Variants in CAPN15 observed in about 807,000 individuals in gnomAD.
CAPN15 encodes the protein calpain 15, also known as calpain-15.
Under a neutral mutation model 97.9 loss-of-function variants are expected in CAPN15, and 53 were observed. The ratio of observed to expected loss-of-function variants is 0.54; its 90% CI spans 0.43 to 0.68. The LOEUF is 0.68. CAPN15 is among the 30% of genes least tolerant of loss of function. The probability of loss-of-function intolerance (pLI) is 0.00; values close to 1 mark genes in which losing one functional copy is unlikely to be tolerated. For missense variants in CAPN15, 1,592 were observed against 1,589.8 expected (o/e 1.00, Z -0.02); for synonymous variants, 922 against 722.5 (o/e 1.28, Z -4.43).
rs777794125 is a variant in CAPN15 at position 552,916 on chromosome 16, C to T, written c.2958C>T (p.Ile986=). 3.7e-5 allele frequency: 59 copies of T among 1,611,454 alleles called. No homozygotes were observed. The South Asian group carries it at 4.0e-4, about 11-fold the overall frequency. The stretch of plus-strand genomic sequence containing the variant: ...TGACACACGGTTGGGCGGGGCTCAT[C>T]GTGGTGGTGGAGAACCGACACCCCA... The part of the protein sequence containing the change: ...YYLTHGWAGL[I]VVVENRHPKA... Residue 986 remains isoleucine (I), a synonymous_variant, in exon 13 of 14, where the codon ATC becomes ATT. Transcript: ENST00000219611. This position sits in a 1 kb window ranked among gnomAD's most constrained non-coding sequence, Gnocchi z 6.4.
chr16:541,524 G>A (rs549958324), intron 3 of CAPN15, among the ~76,000 whole-genome samples: 7 of 152,320 alleles, frequency 4.6e-5, no homozygotes, highest in African/African-American at 9.6e-5. Flanking sequence ...TGGTGGCACC[G>A]GAGCGCCTCC....
Position 547,058 on chromosome 16 carries a change from G to A in CAPN15, c.220G>A (p.Ala74Thr). The A allele has an allele frequency of 1.2e-6, 2 of 1,604,104 alleles. No individual in the cohort carries two copies. The highest frequency in any genetic ancestry group is 1.7e-6 in the Non-Finnish European group (2 of 1,177,392). Residue 74 changes from alanine to threonine, a missense_variant, in exon 4 of 14, where the codon GCG becomes ACG. By Grantham distance (58) the Ala-to-Thr change is moderately conservative (BLOSUM62 0). Around this residue, in one of 3 missense-constraint regions of CAPN15, gnomAD observed 883 missense variants for 776.6 expected, o/e 1.14. Coordinates refer to ENST00000219611, the MANE Select transcript of CAPN15 (RefSeq NM_005632.3). ...GGTGTGCGGCTTCACCCCGGAGCCTGCGCCTGGGGCTGCCTTCCTGCCAGT... is the reference window on the plus strand; with the variant it reads ...GGTGTGCGGCTTCACCCCGGAGCCTACGCCTGGGGCTGCCTTCCTGCCAGT... ...CEVCGFTPEP[A>T]PGAAFLPVLN...
chr16:546,682 C>T (rs766487392), intron 3 of CAPN15, 135 bp from the exon 4 acceptor site: 330 of 1,223,814 alleles, frequency 2.7e-4, no homozygotes, highest in Non-Finnish European at 3.3e-4. Context: ...CCGCCTGCCT[C>T]AAATGCTCAG....
At chr16:531,303 A>G (rs2033233425) in intron 1 of CAPN15, among the ~76,000 whole-genome samples, 1 of 152,126 alleles carries the variant, frequency 6.6e-6, no homozygotes, top group South Asian at 2.1e-4. Flanking sequence ...GGCTCAAGTG[A>G]TCTTCCTGCC....
In CAPN15 at chr16:553,559, A is replaced by G; in HGVS notation, c.*43A>G. 1 of 1,186,292 alleles carries G rather than the reference A, an allele frequency of 8.4e-7. No individual in the cohort carries two copies. The highest frequency in any genetic ancestry group is 1.2e-6 in the Non-Finnish European group (1 of 853,668). The allele number at this position is 1,186,292 out of a possible 1,614,324, so 73.5% of individuals were successfully genotyped here. ...GGGGCTGTGCACAGACGGACCCCCC[A>G]CCCCCACACGCACTTTATGAGGGAG... On this transcript the variant is annotated 3_prime_UTR_variant, in exon 14 of 14. Coordinates refer to ENST00000219611, the MANE Select transcript of CAPN15 (RefSeq NM_005632.3).
Position 549,621 on chromosome 16 carries a change from C to A in CAPN15, c.1849C>A (p.Arg617=). The change falls in exon 7 of 14, where the codon CGG becomes AGG. Residue 617 remains arginine (R), a synonymous_variant. Transcript: ENST00000219611. ...CTGACCCGGCCCTCTGCAGGCGCAG[C>A]GGAAGCAGCTGTGGGTGGCCCTCAT... ...AGCLLFSQAQ[R]KQLWVALIEK... The A allele has an allele frequency of 6.5e-7, 1 of 1,542,950 alleles. No homozygotes were observed. Among genetic ancestry groups the A allele is most frequent in the Non-Finnish European group, 8.7e-7 (1 of 1,148,638 alleles).
chr16:547,672 G>C lies in CAPN15; in HGVS notation c.834G>C (p.Ser278=). Reference sequence around the variant, plus strand: ...GCTGCAGGGGAGCCCCCCAGGGCTCGGGCTGGGCTGGGGCCTCCCGCCTAG... The same window carrying C: ...GCTGCAGGGGAGCCCCCCAGGGCTCCGGCTGGGCTGGGGCCTCCCGCCTAG... The part of the protein sequence containing the change: ...SAGCRGAPQG[S]GWAGASRLAE... Residue 278 remains serine (S), a synonymous_variant, in exon 4 of 14, where the codon TCG becomes TCC. Coordinates refer to ENST00000219611, the MANE Select transcript of CAPN15 (RefSeq NM_005632.3). 1.3e-6 allele frequency: 2 copies of C among 1,583,004 alleles called. No individual in the cohort carries two copies. Among genetic ancestry groups the C allele is most frequent in the African/African-American group, 1.3e-5 (1 of 74,554 alleles).
At chr16:532,546 C>T (rs2033344494) in intron 1 of CAPN15, among the ~76,000 whole-genome samples, 1 of 148,396 alleles carries the variant, frequency 6.7e-6, no homozygotes, top group African/African-American at 2.5e-5. Flanking sequence ...CAGAGTGATA[C>T]CCTGTCTCAA....
intron 3 of CAPN15, chr16:540,099 G>C (rs940384679): frequency 3.0e-6 from 3 of 985,346 alleles, no homozygotes; most frequent in African/African-American, 1.7e-5. Context: ...CCAGCCGGCC[G>C]TCCTGTCTCT....
At chr16:537,617 G>T in intron 3 of CAPN15, 1 of 198,764 alleles carries the variant, frequency 5.0e-6, no homozygotes, top group Non-Finnish European at 9.0e-6. Flanking sequence ...GCCCCGCCCT[G>T]ACCCGCTCAG....
chr16:533,853 C>T (rs2033455365), intron 1 of CAPN15, 93 bp from the exon 2 acceptor site: 1 of 565,264 alleles, frequency 1.8e-6, no homozygotes, highest in Non-Finnish European at 2.2e-6. Context: ...ACTCTGGCTC[C>T]TGCAGAGAGG....
chr16:546,900 G>A lies in CAPN15; in HGVS notation c.62G>A (p.Arg21His), dbSNP rs779596068. Residue 21 changes from arginine (R) to histidine (H), a missense_variant, in exon 4 of 14, where the codon CGC (arginine) becomes CAC (histidine). Around this residue, in one of 3 missense-constraint regions of CAPN15, gnomAD observed 883 missense variants for 776.6 expected, o/e 1.14. Coordinates refer to ENST00000219611, the MANE Select transcript of CAPN15 (RefSeq NM_005632.3). The stretch of plus-strand genomic sequence containing the variant: ...ACCTTCCTGAACCCGGCCGGCCAGC[G>A]CCAGTGCTCCATCTGCGAGGCTCCC... ...RCTFLNPAGQRQCSICEAPRH... is the reference protein window; with the variant it reads ...RCTFLNPAGQHQCSICEAPRH... 38 of 1,611,198 alleles carry A rather than the reference G, an allele frequency of 2.4e-5. No individual in the cohort carries two copies. The highest frequency in any genetic ancestry group is 5.0e-5 in the Admixed American group (3 of 59,954).
chr16:532,843 A>T (rs932654885), intron 1 of CAPN15, among the ~76,000 whole-genome samples: 3 of 137,930 alleles, frequency 2.2e-5, no homozygotes, highest in Non-Finnish European at 3.1e-5. Flanking sequence ...ACAGAGCGAG[A>T]CTCTGTCAGA....
In CAPN15 at chr16:548,183, G is replaced by A. The variant is rs373024243; in HGVS notation, c.1345G>A (p.Ala449Thr). Reference protein sequence around the residue: ...QLLVAQRRGAAPLRRRESMHV... With the variant: ...QLLVAQRRGATPLRRRESMHV... Reference sequence around the variant, plus strand: ...CCTGGTGGCCCAGCGGCGGGGGGCCGCGCCCCTGAGGCGCAGGGAGAGCAT... The same window carrying A: ...CCTGGTGGCCCAGCGGCGGGGGGCCACGCCCCTGAGGCGCAGGGAGAGCAT... The change falls in exon 4 of 14, where the codon GCG becomes ACG. Residue 449 changes from alanine (A) to threonine (T), a missense_variant. Physicochemically the swap from Ala to Thr is moderately conservative, Grantham distance 58. Coordinates refer to ENST00000219611, the MANE Select transcript of CAPN15 (RefSeq NM_005632.3). 144 of 1,530,638 alleles carry A rather than the reference G, an allele frequency of 9.4e-5. No homozygotes were observed. The highest frequency in any genetic ancestry group is 8.3e-4 in the African/African-American group (59 of 71,298). The allele number at this position is 1,530,638 out of a possible 1,614,324, so 94.8% of individuals were successfully genotyped here. A position where few individuals can be genotyped will look rare whatever the true frequency, so the allele number is the denominator to read the frequency against.
chr16:534,536 C>G (rs959736281), intron 2 of CAPN15, among the ~76,000 whole-genome samples: 2 of 152,168 alleles, frequency 1.3e-5, no homozygotes, highest in Non-Finnish European at 2.9e-5. Flanking sequence ...CCCTCCCACC[C>G]GACTCATGCA....
At position 552,692 on chromosome 16, in the gene CAPN15, T is replaced by C. The variant is rs1280487751; in HGVS notation, c.2825T>C (p.Val942Ala). ...LAVYSSRLVM[V>A]EPVEAQPTTL... Reference sequence around the variant, plus strand: ...GTGTACAGCTCGAGGCTGGTCATGGTGGAGCCCGTGGAAGCCCAGCCGACC... The same window carrying C: ...GTGTACAGCTCGAGGCTGGTCATGGCGGAGCCCGTGGAAGCCCAGCCGACC... The change falls in exon 12 of 14, where the codon GTG becomes GCG. Residue 942 changes from valine (V) to alanine (A), a missense_variant. Physicochemically the swap from Val to Ala is moderately conservative, Grantham distance 64 (BLOSUM62 0). Around this residue, in one of 3 missense-constraint regions of CAPN15, gnomAD observed 644 missense variants for 699.6 expected, o/e 0.92. Transcript: ENST00000219611. This position sits in a 1 kb window ranked among gnomAD's most constrained non-coding sequence, Gnocchi z 6.4. 1 of 1,544,012 alleles carries C rather than the reference T, an allele frequency of 6.5e-7. No individual in the cohort carries two copies. Among genetic ancestry groups the C allele is most frequent in the Admixed American group, 2.0e-5 (1 of 50,946 alleles).
intron 1 of CAPN15, among the ~76,000 whole-genome samples, chr16:533,135 A>C (rs138995147): frequency 0.014 from 2,159 of 151,624 alleles, 37 homozygotes; most frequent in Middle Eastern, 0.041. Flanking sequence ...GCAGGAGAAT[A>C]GCTTGAACCT....
At chr16:542,925 C>T (rs1164747540) in intron 3 of CAPN15, among the ~76,000 whole-genome samples, 1 of 152,130 alleles carries the variant, frequency 6.6e-6, no homozygotes, top group African/African-American at 2.4e-5. Flanking sequence ...GTGACGGGCA[C>T]CTATAATCCT....
chr16:541,546 G>A (rs1481665411), intron 3 of CAPN15, among the ~76,000 whole-genome samples: 1 of 152,214 alleles, frequency 6.6e-6, no homozygotes, highest in African/African-American at 2.4e-5. Flanking sequence ...AGTTCCTGGT[G>A]TTACCGCACC....
Sources: gnomAD v4.1 joint callset for allele counts (sites outside exome capture counted in the v4.1 genomes callset) on GRCh38, gnomAD v4.1.1 for gene constraint, gnomAD v4.1.1 regional missense constraint, Gnocchi (gnomAD v3.1) non-coding constraint, MANE v1.5 for transcripts, NCBI Gene and HGNC (gene_info 2026-07-23, HGNC 2026-07-21) for gene names.